Variants in PLN observed in about 807,000 individuals in gnomAD.
The protein encoded by PLN is cardiac phospholamban.
PLN carries 1 observed loss-of-function variant against 3.9 expected under a neutral mutation model. The observed-to-expected ratio is 0.26, with a 90% confidence interval of 0.09 to 1.23. PLN has a LOEUF of 1.23. Ranked by LOEUF, PLN falls within the 50% of genes most tolerant of loss-of-function variation. The pLI is 0.48. For missense variants in PLN, 59 were observed against 62.7 expected, an observed-to-expected ratio of 0.94 and a Z score of 0.20; for synonymous variants, 21 against 20.5, an observed-to-expected ratio of 1.02 and a Z score of -0.07.
In PLN at chr6:118,559,451, A is replaced by G. The variant is rs1170179587; in HGVS notation, c.*371A>G. The G allele has an allele frequency of 3.6e-6, 1 of 278,030 alleles. No homozygotes were observed. Among genetic ancestry groups the G allele is most frequent in the Non-Finnish European group, 7.4e-6 (1 of 134,472 alleles). 17.2% of individuals were successfully genotyped at this position (278,030 alleles called of 1,614,324 possible). ...ATAAAGCATTATTTTTACTCTTTTGAGGTGAATATAATTTATATTACAATG... is the reference window on the plus strand; with the variant it reads ...ATAAAGCATTATTTTTACTCTTTTGGGGTGAATATAATTTATATTACAATG... On this transcript the variant is annotated 3_prime_UTR_variant, in exon 2 of 2. Coordinates refer to ENST00000357525, the MANE Select transcript of PLN (RefSeq NM_002667.5).
intron 1 of PLN, among the ~76,000 whole-genome samples, chr6:118,554,786 T>C (rs549629510): frequency 1.3e-5 from 2 of 152,198 alleles, no homozygotes; most frequent in Non-Finnish European, 2.9e-5. Context: ...GAAGCTTGCA[T>C]GGCAGACAAT....
chr6:118,558,648 CACACACACACACAGAGAGAG>C, intron 1 of PLN, among the ~76,000 whole-genome samples, 157 bp from the exon 2 acceptor site: 1 of 137,264 alleles, frequency 7.3e-6, no homozygotes, highest in East Asian at 2.0e-4. Flanking sequence ...CACACACACA[CACACACACACACAGAGAGAG>C]AGAGAGAGAG....
intron 1 of PLN, among the ~76,000 whole-genome samples, chr6:118,553,200 T>C (rs1321242980): frequency 2.2e-5 from 3 of 138,362 alleles, no homozygotes; most frequent in Non-Finnish European, 3.1e-5. Flanking sequence ...TTAAACAGCT[T>C]AGCTGTTAAG....
chr6:118,557,414 G>T (rs189510640), intron 1 of PLN, among the ~76,000 whole-genome samples: 1 of 152,154 alleles, frequency 6.6e-6, no homozygotes, highest in African/African-American at 2.4e-5. Flanking sequence ...ACCAAATACA[G>T]CAGGTCCTCA....
At position 118,560,425 on chromosome 6, in the gene PLN, TAA is replaced by T. The variant is rs1403307051; in HGVS notation, c.*1348_*1349del. The stretch of plus-strand genomic sequence containing the variant: ...TTCATTAAATGGAAGTGGGTCAACA[TAA>T]AAGTCTTCATTCTCATTGTCTTCAC... On this transcript the variant is annotated 3_prime_UTR_variant, in exon 2 of 2. Transcript: ENST00000357525. The T allele has an allele frequency of 1.2e-5, 2 of 167,016 alleles. No individual in the cohort carries two copies. Among genetic ancestry groups the T allele is most frequent in the South Asian group, 4.1e-4 (2 of 4,824 alleles). The allele number at this position is 167,016 out of a possible 1,614,324, so 10.3% of individuals were successfully genotyped here. A position where few individuals can be genotyped will look rare whatever the true frequency, so the allele number is the denominator to read the frequency against.
rs980631647 is a variant in PLN at position 118,560,784 on chromosome 6, T to C, written c.*1704T>C. ...ATCTTCCAATAACTCATAAAACAAC[T>C]GAAGTAAAATTGAGTGCTGGAAAAT... On this transcript the variant is annotated 3_prime_UTR_variant, in exon 2 of 2. Transcript: ENST00000357525. 1.9e-5 allele frequency: 3 copies of C among 157,366 alleles called. No homozygotes were observed. The highest frequency in any genetic ancestry group is 4.4e-5 in the Non-Finnish European group (3 of 68,044). The allele number at this position is 157,366 out of a possible 1,614,324, so 9.7% of individuals were successfully genotyped here.
At chr6:118,555,247 T>C (rs905226982) in intron 1 of PLN, among the ~76,000 whole-genome samples, 6 of 151,922 alleles carry the variant, frequency 3.9e-5, no homozygotes, top group Admixed American at 2.6e-4. Context: ...CTGGCTAACA[T>C]GGTGAAACCC....
chr6:118,554,392 C>G lies in PLN; in HGVS notation c.-97-4433C>G, dbSNP rs969325318. Among the ~76,000 whole-genome samples, 5 of 152,224 alleles carry G rather than the reference C, an allele frequency of 3.3e-5. No homozygotes were observed. In the East Asian group the frequency reaches 7.7e-4, roughly 23 times the overall value. ...GAACTCCTGGGCTCAAACATTCGTC[C>G]CGCCTAGGCCTTCCAAAGTGTTGGA... On this transcript the variant is annotated intron_variant, in intron 1 of 1. Transcript: ENST00000357525.
chr6:118,552,523 T>C (rs1298918990), intron 1 of PLN, among the ~76,000 whole-genome samples: 2 of 151,822 alleles, frequency 1.3e-5, no homozygotes, highest in African/African-American at 2.4e-5. Flanking sequence ...CCTGAAGGAG[T>C]TGATATATAG....
In PLN at chr6:118,558,658, C is replaced by G. The variant is rs497251; in HGVS notation, c.-97-167C>G. Among the ~76,000 whole-genome samples, 18,615 of 122,774 alleles carry G rather than the reference C, an allele frequency of 0.15. 1,332 individuals carry two copies. The highest frequency in any genetic ancestry group is 0.19 in the Non-Finnish European group (11,100 of 59,198). 80.5% of individuals were successfully genotyped at this position (122,774 alleles called of 152,430 possible). On this transcript the variant is annotated intron_variant, in intron 1 of 1. Coordinates refer to ENST00000357525, the MANE Select transcript of PLN (RefSeq NM_002667.5). ...ACACACACACACACACACACACACA[C>G]ACAGAGAGAGAGAGAGAGAGAGAGA...
At position 118,558,846 on chromosome 6, in the gene PLN, A is replaced by C; in HGVS notation, c.-76A>C. The C allele has an allele frequency of 1.8e-4, 158 of 901,386 alleles. No homozygotes were observed. Among genetic ancestry groups the C allele is most frequent in the Middle Eastern group, 4.3e-4 (2 of 4,702 alleles). The allele number at this position is 901,386 out of a possible 1,614,324, so 55.8% of individuals were successfully genotyped here. The stretch of plus-strand genomic sequence containing the variant: ...CCAGGCTACCTAAAAGAAGACAGTT[A>C]TCTCATATTTGGCTGCCAGCTTTTT... On this transcript the variant is annotated 5_prime_UTR_variant, in exon 2 of 2. Coordinates refer to ENST00000357525, the MANE Select transcript of PLN (RefSeq NM_002667.5).
intron 1 of PLN, among the ~76,000 whole-genome samples, chr6:118,549,724 T>C (rs189877881): frequency 4.6e-4 from 70 of 152,032 alleles, no homozygotes; most frequent in Non-Finnish European, 9.0e-4. Context: ...TGTGCATTTT[T>C]ATTCAAATAT....
chr6:118,551,122 A>G (rs1778517528), intron 1 of PLN, among the ~76,000 whole-genome samples: 1 of 151,904 alleles, frequency 6.6e-6, no homozygotes, highest in Non-Finnish European at 1.5e-5. Flanking sequence ...CAAAAATCAC[A>G]TTTCGATACT....
At chr6:118,550,472 A>C (rs1247180642) in intron 1 of PLN, among the ~76,000 whole-genome samples, 1 of 151,852 alleles carries the variant, frequency 6.6e-6, no homozygotes, top group Admixed American at 6.6e-5. Context: ...GCCAATGAAC[A>C]CTTCTTTTTT....
chr6:118,557,903 T>C (rs887124831), intron 1 of PLN, among the ~76,000 whole-genome samples: 3 of 152,004 alleles, frequency 2.0e-5, no homozygotes, highest in Admixed American at 6.6e-5. Flanking sequence ...ATGTTTTTAA[T>C]AGACCACCAC....
rs544326913 is a variant in PLN at position 118,561,431 on chromosome 6, A to T, written c.*2351A>T. Among the ~76,000 whole-genome samples, 12 of 152,290 alleles carry T rather than the reference A, an allele frequency of 7.9e-5. No homozygotes were observed. Among genetic ancestry groups the T allele is most frequent in the Non-Finnish European group, 1.5e-4 (10 of 68,002 alleles). ...AAATCTTATTCTGTGAGGATTACAGAATACTATAACTCAAATTATAAAGTA... is the reference window on the plus strand; with the variant it reads ...AAATCTTATTCTGTGAGGATTACAGTATACTATAACTCAAATTATAAAGTA... On this transcript the variant is annotated 3_prime_UTR_variant, in exon 2 of 2. Coordinates refer to ENST00000357525, the MANE Select transcript of PLN (RefSeq NM_002667.5).
At chr6:118,549,936 TA>T (rs1198033841) in intron 1 of PLN, among the ~76,000 whole-genome samples, 35 of 151,904 alleles carry the variant, frequency 2.3e-4, no homozygotes, top group Admixed American at 2.3e-3. Context: ...ATTTCAAATA[TA>T]ATGTGGTAGT....
intron 1 of PLN, among the ~76,000 whole-genome samples, chr6:118,557,164 A>G (rs879669112): frequency 6.6e-6 from 1 of 152,230 alleles, no homozygotes; most frequent in African/African-American, 2.4e-5. Flanking sequence ...ATAAAAAGGA[A>G]TAACAATTTG....
rs1269066836 is a variant in PLN at position 118,559,132 on chromosome 6, G to C, written c.*52G>C. 1 of 1,341,414 alleles carries C rather than the reference G, an allele frequency of 7.5e-7. No individual in the cohort carries two copies. Among genetic ancestry groups the C allele is most frequent in the Admixed American group, 1.7e-5 (1 of 59,646 alleles). 83.1% of individuals were successfully genotyped at this position (1,341,414 alleles called of 1,614,324 possible). ...AGCTTGCCACATCAGCTTAAAATCT[G>C]TCATCCCATGCAGACAGGAAAACAA... On this transcript the variant is annotated 3_prime_UTR_variant, in exon 2 of 2. Coordinates refer to ENST00000357525, the MANE Select transcript of PLN (RefSeq NM_002667.5).
Sources: allele counts gnomAD v4.1 joint callset (sites outside exome capture counted in the v4.1 genomes callset), GRCh38; gene constraint gnomAD v4.1.1; transcripts MANE v1.5; gene names NCBI Gene and HGNC (gene_info 2026-07-23, HGNC 2026-07-21).